The following PPP2R2B variants were observed in gnomAD, a reference collection of about 807,000 sequenced individuals.
The protein encoded by PPP2R2B is protein phosphatase 2 regulatory subunit Bbeta.
PPP2R2B carries 5 observed loss-of-function variants against 46.0 expected under a neutral mutation model. That is an observed-to-expected ratio of 0.11 (90% CI 0.06 to 0.23). The LOEUF is 0.23. PPP2R2B is among the 10% of genes least tolerant of loss of function. The pLI is 1.00. For synonymous variants in PPP2R2B, 215 were observed against 206.7 expected (o/e 1.04, Z -0.34); for missense variants, 367 against 575.0 (o/e 0.64, Z 3.70).
At chr5:146,903,554 C>A (rs1176053248) in intron 1 of PPP2R2B, among the ~76,000 whole-genome samples, 1 of 152,008 alleles carries the variant, frequency 6.6e-6, no homozygotes, top group Middle Eastern at 3.2e-3. Flanking sequence ...TGCCACCACA[C>A]CTGTCTAACT....
chr5:146,844,058 GT>G (rs1337454404), intron 2 of PPP2R2B, among the ~76,000 whole-genome samples: 1 of 150,278 alleles, frequency 6.7e-6, no homozygotes, highest in Non-Finnish European at 1.5e-5. Context: ...CTAGTTTACA[GT>G]CCCACCAACA....
chr5:146,655,730 T>C (rs1203371837), intron 5 of PPP2R2B, among the ~76,000 whole-genome samples: 1 of 152,094 alleles, frequency 6.6e-6, no homozygotes, highest in African/African-American at 2.4e-5. Flanking sequence ...GGCAGACAAG[T>C]AAATAGATCT....
At chr5:146,908,772 TCCCG>T (rs943922114) in intron 1 of PPP2R2B, among the ~76,000 whole-genome samples, 33 of 150,592 alleles carry the variant, frequency 2.2e-4, no homozygotes, top group African/African-American at 4.9e-4. Flanking sequence ...TTTCTTCCTT[TCCCG>T]CCCTCCCTTC....
intron 4 of PPP2R2B, 138 bp from the exon 5 acceptor site, chr5:146,691,378 C>T (rs1778842445): frequency 1.6e-5 from 10 of 634,798 alleles, no homozygotes; most frequent in South Asian, 7.8e-5. Flanking sequence ...AAACGTTTGG[C>T]GTGCATAAAT....
chr5:146,737,592 TC>T (rs1752614210), intron 2 of PPP2R2B, among the ~76,000 whole-genome samples: 1 of 152,152 alleles, frequency 6.6e-6, no homozygotes, highest in South Asian at 2.1e-4. Context: ...TTTGATCCAT[TC>T]CGCTTTTTTT....
intron 1 of PPP2R2B, among the ~76,000 whole-genome samples, chr5:146,941,014 C>T (rs578171553): frequency 5.0e-4 from 76 of 152,190 alleles, no homozygotes; most frequent in African/African-American, 1.6e-3. Flanking sequence ...TTTAGAGCCT[C>T]GATTTTACAT....
intron 1 of PPP2R2B, among the ~76,000 whole-genome samples, chr5:147,055,298 A>G (rs1757027536): frequency 6.6e-6 from 1 of 152,244 alleles, no homozygotes; most frequent in Non-Finnish European, 1.5e-5. Context: ...CAAAACAGAG[A>G]GCTCGGACAG....
intron 2 of PPP2R2B, among the ~76,000 whole-genome samples, chr5:146,799,487 G>A (rs984076895): frequency 6.6e-6 from 1 of 152,156 alleles, no homozygotes; most frequent in Non-Finnish European, 1.5e-5. Context: ...AGGAGGTATC[G>A]ACAGGCTACA....
In PPP2R2B at chr5:146,589,905, T is replaced by C. The variant is rs369533426; in HGVS notation, c.*42A>G. 2.5e-6 allele frequency: 4 copies of C among 1,572,820 alleles called. No homozygotes were observed. The highest frequency in any genetic ancestry group is 3.5e-6 in the Non-Finnish European group (4 of 1,147,874). On this transcript the variant is annotated 3_prime_UTR_variant, in exon 10 of 10. Coordinates refer to ENST00000394411, the MANE Select transcript of PPP2R2B (RefSeq NM_181675.4). Reference sequence around the variant, plus strand: ...AGAAACATTTAAAAACTTGTTTGACTAGTATTCAGTATGTGAGATTATTAA... The same window carrying C: ...AGAAACATTTAAAAACTTGTTTGACCAGTATTCAGTATGTGAGATTATTAA...
chr5:146,785,112 T>C (rs916375543), intron 2 of PPP2R2B, among the ~76,000 whole-genome samples: 1 of 152,176 alleles, frequency 6.6e-6, no homozygotes, highest in Non-Finnish European at 1.5e-5. Flanking sequence ...AGATAACTCA[T>C]TGAATAAACC....
intron 2 of PPP2R2B, among the ~76,000 whole-genome samples, chr5:146,754,563 T>C (rs1156466767): frequency 6.6e-6 from 1 of 152,186 alleles, no homozygotes; most frequent in Non-Finnish European, 1.5e-5. Context: ...CCACTTGAGT[T>C]TGGGCCAGAC....
chr5:146,870,226 T>C (rs1457476539), intron 2 of PPP2R2B, among the ~76,000 whole-genome samples: 1 of 152,200 alleles, frequency 6.6e-6, no homozygotes, highest in Non-Finnish European at 1.5e-5. Context: ...CCCAGTGTTA[T>C]GGACCAAATT....
intron 2 of PPP2R2B, chr5:146,751,160 G>C (rs918765820): frequency 6.6e-6 from 1 of 152,194 alleles, no homozygotes; most frequent in African/African-American, 2.4e-5. Flanking sequence ...GTGGCATGAG[G>C]TACTCTTGAG....
At chr5:146,779,813 C>T (rs968590216) in intron 2 of PPP2R2B, among the ~76,000 whole-genome samples, 3 of 152,068 alleles carry the variant, frequency 2.0e-5, no homozygotes, top group Non-Finnish European at 2.9e-5. Flanking sequence ...TAGGGTGTGC[C>T]TCCCTCCCTT....
chr5:146,674,064 A>T (rs1296820407), intron 5 of PPP2R2B, among the ~76,000 whole-genome samples: 1 of 152,204 alleles, frequency 6.6e-6, no homozygotes, highest in Non-Finnish European at 1.5e-5. Context: ...TCCATCCAAA[A>T]GTAGCAACTG....
intron 1 of PPP2R2B, among the ~76,000 whole-genome samples, chr5:146,999,771 C>T (rs1164804738): frequency 6.6e-6 from 1 of 152,130 alleles, no homozygotes; most frequent in Non-Finnish European, 1.5e-5. Flanking sequence ...ATAGAAAGGG[C>T]CCCAAACTCA....
At chr5:146,832,347 T>A (rs1002483485) in intron 2 of PPP2R2B, among the ~76,000 whole-genome samples, 1 of 148,092 alleles carries the variant, frequency 6.8e-6, no homozygotes, top group African/African-American at 2.5e-5. Flanking sequence ...TCATGGTAAG[T>A]GCCCTACACA....
intron 7 of PPP2R2B, among the ~76,000 whole-genome samples, chr5:146,622,328 A>G (rs563188040): frequency 3.3e-5 from 5 of 152,226 alleles, no homozygotes; most frequent in Non-Finnish European, 5.9e-5. Flanking sequence ...AATCTGCACA[A>G]CAATCCAGTA....
intron 2 of PPP2R2B, among the ~76,000 whole-genome samples, chr5:147,073,150 T>C (rs912136320): frequency 6.6e-6 from 1 of 152,224 alleles, no homozygotes; most frequent in Non-Finnish European, 1.5e-5. Flanking sequence ...AAATATTTGT[T>C]AATTAAACAC....
Sources: gnomAD v4.1 joint callset for allele counts (sites outside exome capture counted in the v4.1 genomes callset) on GRCh38, gnomAD v4.1.1 for gene constraint, MANE v1.5 for transcripts, NCBI Gene and HGNC (gene_info 2026-07-23, HGNC 2026-07-21) for gene names.